Variants in EIF2AK2 observed in about 807,000 individuals in gnomAD.
EIF2AK2 encodes eukaryotic translation initiation factor 2 alpha kinase 2.
In EIF2AK2, 40 loss-of-function variants were observed where a neutral mutation model predicts 70.5. The observed-to-expected ratio is 0.57, with a 90% confidence interval of 0.44 to 0.74. The LOEUF is 0.74. Ranked by LOEUF, EIF2AK2 falls within the 30% of genes least tolerant of loss-of-function variation. The pLI, the probability that EIF2AK2 is intolerant of heterozygous loss-of-function variation, is 0.00. For missense variants in EIF2AK2, 555 were observed against 644.3 expected (o/e 0.86, Z 1.50); for synonymous variants, 198 against 220.9 (o/e 0.90, Z 0.92).
At chr2:37,139,605 A>T (rs1675256522) in intron 6 of EIF2AK2, 26 bp downstream of exon 6, 1 of 1,601,160 alleles carries the variant, frequency 6.2e-7, no homozygotes. Context: ...TAAAACATAA[A>T]AATTTAATCC....
At position 37,102,018 on chromosome 2, in the gene EIF2AK2, T is replaced by C. The variant is rs933743680; in HGVS notation, c.*5255A>G. 9.9e-5 allele frequency: 15 copies of C among 152,204 alleles called. No homozygotes were observed. Among genetic ancestry groups the C allele is most frequent in the African/African-American group, 3.6e-4 (15 of 41,422 alleles). The allele number at this position is 152,204 out of a possible 1,614,324, so 9.4% of individuals were successfully genotyped here. On this transcript the variant is annotated 3_prime_UTR_variant, in exon 17 of 17. Transcript: ENST00000233057. ...AGTTTGGAAGACCAAGGCAGGAGAA[T>C]CTCTCAAGGCCAGGAGTTTGAGACC...
intron 1 of EIF2AK2, among the ~76,000 whole-genome samples, chr2:37,150,695 G>C (rs190423718): frequency 7.2e-5 from 11 of 152,224 alleles, no homozygotes; most frequent in African/African-American, 2.6e-4. Flanking sequence ...ATATCTAAGT[G>C]CTGAAATATA....
At chr2:37,125,937 T>C (rs1029968675) in intron 11 of EIF2AK2, among the ~76,000 whole-genome samples, 1 of 152,186 alleles carries the variant, frequency 6.6e-6, no homozygotes, top group Non-Finnish European at 1.5e-5. Flanking sequence ...CTAGAACATC[T>C]CAAAGATCAC....
chr2:37,152,260 C>T (rs925974019), intron 1 of EIF2AK2, among the ~76,000 whole-genome samples: 2 of 152,092 alleles, frequency 1.3e-5, no homozygotes, highest in African/African-American at 4.8e-5. Flanking sequence ...CTCTTTTGAT[C>T]TTCTTTCTTC....
intron 10 of EIF2AK2, among the ~76,000 whole-genome samples, chr2:37,132,306 C>T (rs1273279782): frequency 4.8e-5 from 4 of 83,128 alleles, no homozygotes; most frequent in African/African-American, 2.0e-4. Context: ...GAAAAAACAA[C>T]TCTTGGCCAG....
chr2:37,140,723 G>T (rs1282761590), intron 5 of EIF2AK2, among the ~76,000 whole-genome samples: 2 of 152,038 alleles, frequency 1.3e-5, no homozygotes, highest in Non-Finnish European at 2.9e-5. Context: ...TTGACTCACA[G>T]ATTCACTTTT....
chr2:37,129,603 G>T (rs910073026), intron 10 of EIF2AK2, among the ~76,000 whole-genome samples: 1 of 152,050 alleles, frequency 6.6e-6, no homozygotes, highest in Non-Finnish European at 1.5e-5. Context: ...TTGGATACTG[G>T]GGCAAGTCTA....
chr2:37,135,693 A>G (rs1675103826), intron 9 of EIF2AK2, 147 bp from the exon 10 acceptor site: 3 of 638,828 alleles, frequency 4.7e-6, no homozygotes. Flanking sequence ...CAGTGGTGTG[A>G]TCATAGCTCA....
chr2:37,128,036 T>C (rs1214876491), intron 10 of EIF2AK2, among the ~76,000 whole-genome samples: 1 of 152,096 alleles, frequency 6.6e-6, no homozygotes, highest in African/African-American at 2.4e-5. Context: ...GCCACTGTGC[T>C]TGGCCTGTTC....
intron 10 of EIF2AK2, among the ~76,000 whole-genome samples, chr2:37,127,858 T>G (rs1573015840): frequency 6.6e-6 from 1 of 151,752 alleles, no homozygotes; most frequent in Non-Finnish European, 1.5e-5. Context: ...TTCTCCTGCC[T>G]CAGCCTCCAA....
At chr2:37,125,586 T>C (rs1214692925) in intron 11 of EIF2AK2, among the ~76,000 whole-genome samples, 1 of 152,228 alleles carries the variant, frequency 6.6e-6, no homozygotes, top group Non-Finnish European at 1.5e-5. Context: ...GTGGAGGTAT[T>C]CTGATTGACA....
At chr2:37,140,453 T>C (rs1399324168) in intron 5 of EIF2AK2, among the ~76,000 whole-genome samples, 1 of 152,186 alleles carries the variant, frequency 6.6e-6, no homozygotes, top group Non-Finnish European at 1.5e-5. Context: ...GATTCCAGTA[T>C]TTGAACTCCT....
chr2:37,112,743 T>C (rs1193082849), intron 14 of EIF2AK2, among the ~76,000 whole-genome samples: 1 of 152,190 alleles, frequency 6.6e-6, no homozygotes, highest in African/African-American at 2.4e-5. Flanking sequence ...TAAAATAATA[T>C]TTTATTGTGG....
chr2:37,122,908 C>G (rs977169653), intron 11 of EIF2AK2, among the ~76,000 whole-genome samples: 9 of 152,160 alleles, frequency 5.9e-5, no homozygotes, highest in African/African-American at 2.2e-4. Flanking sequence ...TGGCTCAGGC[C>G]TGTAATCCCA....
intron 10 of EIF2AK2, among the ~76,000 whole-genome samples, chr2:37,133,364 T>C (rs927702142): frequency 1.3e-5 from 2 of 152,208 alleles, no homozygotes; most frequent in African/African-American, 4.8e-5. Flanking sequence ...TCTCCTCTTC[T>C]GCATATCATC....
intron 10 of EIF2AK2, among the ~76,000 whole-genome samples, chr2:37,131,531 A>G (rs1294224289): frequency 6.6e-6 from 1 of 152,148 alleles, no homozygotes; most frequent in African/African-American, 2.4e-5. Context: ...TGCAAGCCCT[A>G]CATTCAACCC....
At chr2:37,121,942 T>C (rs953615912) in intron 12 of EIF2AK2, among the ~76,000 whole-genome samples, 5 of 152,132 alleles carry the variant, frequency 3.3e-5, no homozygotes, top group Admixed American at 6.5e-5. Flanking sequence ...CTCTTTAGGA[T>C]CTCCAGTTGT....
intron 15 of EIF2AK2, 136 bp from the exon 16 acceptor site, chr2:37,107,663 C>T (rs551242986): frequency 2.2e-6 from 2 of 889,560 alleles, no homozygotes; most frequent in African/African-American, 3.4e-5. Flanking sequence ...AAGAAGCAAG[C>T]AGGATTCCCT....
intron 1 of EIF2AK2, among the ~76,000 whole-genome samples, chr2:37,153,556 T>G (rs762433470): frequency 2.0e-5 from 3 of 152,100 alleles, no homozygotes; most frequent in Admixed American, 1.3e-4. Flanking sequence ...CTGTTCTAGG[T>G]ACCTCATATA....
Sources: allele counts gnomAD v4.1 joint callset (sites outside exome capture counted in the v4.1 genomes callset), GRCh38; gene constraint gnomAD v4.1.1; transcripts MANE v1.5; gene names NCBI Gene and HGNC (gene_info 2026-07-23, HGNC 2026-07-21).